The following TRAPPC11 variants were observed in gnomAD, a reference collection of about 807,000 sequenced individuals.
The protein encoded by TRAPPC11 is foie gras homolog.
In TRAPPC11, 104 loss-of-function variants were observed where a neutral mutation model predicts 151.2. The observed-to-expected ratio is 0.69, with a 90% CI of 0.59 to 0.81. The LOEUF is 0.81. Ranked by LOEUF, TRAPPC11 falls within the 30% of genes least tolerant of loss-of-function variation. TRAPPC11 has a pLI of 0.00. For synonymous variants in TRAPPC11, 456 were observed against 472.3 expected, an observed-to-expected ratio of 0.97 and a Z score of 0.45; for missense variants, 1,230 against 1,349.6, an observed-to-expected ratio of 0.91 and a Z score of 1.39.
In TRAPPC11 at chr4:183,698,134, A is replaced by AT. The variant is rs529684949; in HGVS notation, c.2851+306dup. ...TTTTTCATTTTTGAACTTTTTAAAG[A>AT]TTTTTTTCTCATTAACTCTTAATGT... is the stretch of plus-strand genomic sequence containing the variant. On this transcript the variant is annotated intron_variant, in intron 25 of 29. Transcript: ENST00000334690. Among the ~76,000 whole-genome samples, 253 of 152,138 alleles carry AT rather than the reference A, an allele frequency of 1.7e-3. 1 individual carries two copies. Among genetic ancestry groups the AT allele is most frequent in the African/African-American group, 5.9e-3 (245 of 41,490 alleles).
At chr4:183,681,674 G>T (rs890047756) in intron 10 of TRAPPC11, among the ~76,000 whole-genome samples, 21 of 152,036 alleles carry the variant, frequency 1.4e-4, no homozygotes, top group African/African-American at 5.1e-4. Flanking sequence ...CAGCTACTGG[G>T]GAGGCTGAGG....
intron 18 of TRAPPC11, among the ~76,000 whole-genome samples, chr4:183,687,730 A>C (rs1201168487): frequency 6.6e-6 from 1 of 152,244 alleles, no homozygotes; most frequent in Admixed American, 6.5e-5. Flanking sequence ...CAACATTATT[A>C]GTTAATGTTA....
intron 17 of TRAPPC11, 102 bp downstream of exon 17, chr4:183,685,505 C>G: frequency 1.5e-6 from 2 of 1,345,078 alleles, no homozygotes; most frequent in South Asian, 1.5e-5. Flanking sequence ...AAAGAGTTTT[C>G]AAAGTATAAT....
chr4:183,665,164 G>C (rs564201364), intron 2 of TRAPPC11, among the ~76,000 whole-genome samples: 8 of 138,140 alleles, frequency 5.8e-5, no homozygotes, highest in East Asian at 2.1e-4. Flanking sequence ...GCGCGATATC[G>C]GCTCACTGCA....
chr4:183,665,184 T>C (rs1375397985), intron 2 of TRAPPC11, among the ~76,000 whole-genome samples: 2 of 135,230 alleles, frequency 1.5e-5, no homozygotes, highest in African/African-American at 5.5e-5. Context: ...AAGCTCCGCC[T>C]CCTGGGTTCG....
At chr4:183,665,862 G>T (rs760356356) in intron 2 of TRAPPC11, among the ~76,000 whole-genome samples, 6 of 151,760 alleles carry the variant, frequency 4.0e-5, no homozygotes, top group African/African-American at 7.3e-5. Flanking sequence ...TTTTATTTGA[G>T]CAGTTTTACA....
In TRAPPC11 at chr4:183,702,871, A is replaced by G. The variant is rs74999146; in HGVS notation, c.2963+1063A>G. 1.1e-4 allele frequency among the ~76,000 whole-genome samples: 17 copies of G among 152,360 alleles called. No individual in the cohort carries two copies. In the East Asian group the frequency reaches 2.9e-3, roughly 26 times the overall value. ...AATGAGAAAGGAATCAGAAGATACT[A>G]GTTTTAAGGGAATGTTTATACAACT... is the stretch of plus-strand genomic sequence containing the variant. On this transcript the variant is annotated intron_variant, in intron 26 of 29. Coordinates refer to ENST00000334690, the MANE Select transcript of TRAPPC11 (RefSeq NM_021942.6).
rs890406255 is a variant in TRAPPC11, at chr4:183,666,180, A to G, written c.205-77A>G. 5.4e-5 allele frequency: 75 copies of G among 1,393,920 alleles called. 1 individual carries two copies. Among genetic ancestry groups the G allele is most frequent in the Middle Eastern group, 2.4e-4 (1 of 4,084 alleles). The allele number at this position is 1,393,920 out of a possible 1,614,324, so 86.3% of individuals were successfully genotyped here. On this transcript the variant is annotated intron_variant, in intron 2 of 29. Transcript: ENST00000334690. ...TGTATATTGAATGAGATCAATGCAC[A>G]TAAAGTGCTTGGCACTCAGTAACAG...
intron 10 of TRAPPC11, among the ~76,000 whole-genome samples, chr4:183,682,157 A>G (rs1207353711): frequency 6.6e-6 from 1 of 152,256 alleles, no homozygotes; most frequent in Non-Finnish European, 1.5e-5. Flanking sequence ...CATTCTTAAC[A>G]GTGGGAGTTG....
intron 2 of TRAPPC11, 33 bp downstream of exon 2, chr4:183,664,104 TTCTC>T (rs202130622): frequency 1.9e-5 from 29 of 1,555,832 alleles, no homozygotes; most frequent in Non-Finnish European, 2.5e-5. Flanking sequence ...TGTTCTTTCC[TTCTC>T]TCTCTCTATG....
chr4:183,688,312 G>A (rs959332898), intron 18 of TRAPPC11, among the ~76,000 whole-genome samples: 5 of 152,114 alleles, frequency 3.3e-5, no homozygotes, highest in Non-Finnish European at 7.3e-5. Context: ...ACGATAGGTC[G>A]AAAAGATGGA....
In TRAPPC11 at chr4:183,666,242, T is replaced by C. The variant is rs1206337228; in HGVS notation, c.205-15T>C. The C allele has an allele frequency of 1.2e-6, 2 of 1,604,826 alleles. No homozygotes were observed. ...TCCTGTCAGGTAACTTTTCAATTTC[T>C]GCCAATGTTTGCAGAGAACTTCATA... On this transcript the variant is annotated splice_polypyrimidine_tract_variant and intron_variant, in intron 2 of 29. Transcript: ENST00000334690.
chr4:183,696,055 T>C (rs1330040907), intron 23 of TRAPPC11, among the ~76,000 whole-genome samples: 1 of 152,216 alleles, frequency 6.6e-6, no homozygotes, highest in Non-Finnish European at 1.5e-5. Flanking sequence ...GGAAACTTTT[T>C]GAGTGCCAGC....
At chr4:183,672,843 A>G (rs921618088) in intron 5 of TRAPPC11, among the ~76,000 whole-genome samples, 2 of 152,164 alleles carry the variant, frequency 1.3e-5, no homozygotes, top group African/African-American at 4.8e-5. Context: ...CTGATTCTCT[A>G]TTGAGAAGGA....
At chr4:183,668,158 T>C (rs1223192809) in intron 5 of TRAPPC11, 41 bp downstream of exon 5, 1 of 1,230,348 alleles carries the variant, frequency 8.1e-7, no homozygotes, top group Non-Finnish European at 1.2e-6. Flanking sequence ...TTTAGATTAT[T>C]AAGAATTGAG....
At chr4:183,685,001 T>C (rs1579191255) in intron 15 of TRAPPC11, 83 bp from the exon 16 acceptor site, 4 of 1,397,038 alleles carry the variant, frequency 2.9e-6, no homozygotes, top group South Asian at 2.5e-5. Flanking sequence ...TTTATTATTA[T>C]ATCAAGTTTC....
Position 183,701,700 on chromosome 4 carries a change from T to C in TRAPPC11, c.2855T>C (p.Ile952Thr). ...DQLESQVDNV[I>T]LQTGESASEC... is the part of the protein sequence containing the mutation. ...ATATAAAGACTTTTCCCTGTAGTTA[T>C]CTTACAGACTGGAGAGAGTGCTAGT... Residue 952 changes from isoleucine (I) to threonine (T), a missense_variant, in exon 26 of 30, where the codon ATC (isoleucine) becomes ACC (threonine). By Grantham distance (89) the Ile-to-Thr change is moderately conservative. Transcript: ENST00000334690. The C allele has an allele frequency of 7.5e-6, 12 of 1,609,538 alleles. No homozygotes were observed. The highest frequency in any genetic ancestry group is 1.3e-5 in the African/African-American group (1 of 74,976).
rs182166042 is a variant in TRAPPC11 at position 183,665,245 on chromosome 4, C to A, written c.205-1012C>A. The stretch of plus-strand genomic sequence containing the variant: ...GAGTGGCTGGGACTACAGGCGCCCG[C>A]CACCACGTCCAGCTAATTTTCTGTA... On this transcript the variant is annotated intron_variant, in intron 2 of 29. Coordinates refer to ENST00000334690, the MANE Select transcript of TRAPPC11 (RefSeq NM_021942.6). Among the ~76,000 whole-genome samples, 287 of 152,030 alleles carry A rather than the reference C, an allele frequency of 1.9e-3. 1 individual carries two copies. The highest frequency in any genetic ancestry group is 2.7e-3 in the Non-Finnish European group (186 of 67,954).
intron 26 of TRAPPC11, among the ~76,000 whole-genome samples, chr4:183,703,149 C>T (rs1165800016): frequency 2.0e-5 from 3 of 152,184 alleles, no homozygotes; most frequent in Admixed American, 1.3e-4. Context: ...GAAGAGCACC[C>T]ATACCTAAAC....
Sources: gnomAD v4.1 joint callset for allele counts (sites outside exome capture counted in the v4.1 genomes callset) on GRCh38, gnomAD v4.1.1 for gene constraint, MANE v1.5 for transcripts, NCBI Gene and HGNC (gene_info 2026-07-23, HGNC 2026-07-21) for gene names.